EYA2: variants seen among roughly 807,000 people sequenced by gnomAD.
EYA2 encodes the protein EYA transcriptional coactivator and phosphatase 2.
In EYA2, 31 loss-of-function variants were observed where a neutral mutation model predicts 69.2. The ratio of observed to expected loss-of-function variants is 0.45; its 90% CI spans 0.34 to 0.60. The LOEUF is 0.60. Among genes scored for constraint, EYA2 ranks in the 20% least tolerant of loss-of-function variants. The pLI is 0.02. For missense variants in EYA2, 622 were observed against 701.2 expected, an observed-to-expected ratio of 0.89 and a Z score of 1.28; for synonymous variants, 257 against 279.4, an observed-to-expected ratio of 0.92 and a Z score of 0.80.
intron 1 of EYA2, among the ~76,000 whole-genome samples, chr20:46,966,908 T>G (rs1041302194): frequency 1.3e-5 from 2 of 152,210 alleles, no homozygotes; most frequent in Non-Finnish European, 2.9e-5. Context: ...TTAAGATTAC[T>G]AATGCATTAT....
chr20:46,965,477 G>A (rs369995948), intron 1 of EYA2, among the ~76,000 whole-genome samples: 97 of 152,358 alleles, frequency 6.4e-4, no homozygotes, highest in Non-Finnish European at 1.3e-3. Flanking sequence ...GGGCAAAGGT[G>A]GGGGGTTGGA....
intron 1 of EYA2, among the ~76,000 whole-genome samples, chr20:46,956,408 C>T (rs1014479078): frequency 2.0e-4 from 31 of 152,334 alleles, no homozygotes; most frequent in African/African-American, 7.5e-4. Flanking sequence ...CAATGGATCT[C>T]TCACCTAAGG....
chr20:47,013,766 G>A (rs1047776442), intron 4 of EYA2, among the ~76,000 whole-genome samples: 2 of 152,176 alleles, frequency 1.3e-5, no homozygotes, highest in Non-Finnish European at 2.9e-5. Context: ...TTTTACTTTA[G>A]GTGCACAGTG....
chr20:46,970,362 G>T (rs1980065103), intron 1 of EYA2, among the ~76,000 whole-genome samples: 1 of 152,180 alleles, frequency 6.6e-6, no homozygotes, highest in South Asian at 2.1e-4. Context: ...CAGGGTTGAT[G>T]TTGACCCCAG....
intron 9 of EYA2, among the ~76,000 whole-genome samples, chr20:47,125,655 G>A (rs2033170687): frequency 6.6e-6 from 1 of 152,182 alleles, no homozygotes; most frequent in East Asian, 1.9e-4. Context: ...AACTGGCAAA[G>A]CTCTCTGTTG....
intron 1 of EYA2, among the ~76,000 whole-genome samples, chr20:46,983,906 T>G (rs549893124): frequency 1.9e-4 from 29 of 152,194 alleles, no homozygotes; most frequent in Non-Finnish European, 3.7e-4. Flanking sequence ...GGACCTGCCT[T>G]GGTTGACTTC....
chr20:47,143,435 A>G (rs1169492501), intron 10 of EYA2, among the ~76,000 whole-genome samples: 1 of 152,162 alleles, frequency 6.6e-6, no homozygotes, highest in Non-Finnish European at 1.5e-5. Flanking sequence ...TACTAATCCA[A>G]TAATGGCTAT....
chr20:47,052,472 C>T (rs1034140650), intron 5 of EYA2, among the ~76,000 whole-genome samples: 1 of 152,208 alleles, frequency 6.6e-6, no homozygotes, highest in African/African-American at 2.4e-5. Flanking sequence ...GATTGCTCAG[C>T]TACTGCTGGG....
chr20:47,176,240 C>T (rs1460754635), intron 12 of EYA2, among the ~76,000 whole-genome samples: 5 of 151,898 alleles, frequency 3.3e-5, no homozygotes, highest in Non-Finnish European at 5.9e-5. Context: ...CCACCATGCC[C>T]GGCTAATTTT....
rs998496118 is a variant in EYA2, at chr20:47,187,079, C to T, written c.1537-974C>T. Reference sequence around the variant, plus strand: ...AAATTAAAAAAAAAAATTAATGAAACGAAATTCAGCTGGGCACAATGGCTC... The same window carrying T: ...AAATTAAAAAAAAAAATTAATGAAATGAAATTCAGCTGGGCACAATGGCTC... On this transcript the variant is annotated intron_variant, in intron 15 of 15. Coordinates refer to ENST00000327619, the MANE Select transcript of EYA2 (RefSeq NM_005244.5). 5.9e-5 allele frequency among the ~76,000 whole-genome samples: 9 copies of T among 151,322 alleles called. No individual in the cohort carries two copies. The East Asian group carries it at 1.4e-3, about 23-fold the overall frequency.
intron 8 of EYA2, among the ~76,000 whole-genome samples, chr20:47,093,725 C>T (rs557093570): frequency 6.6e-6 from 1 of 152,372 alleles, no homozygotes; most frequent in Admixed American, 6.5e-5. Context: ...ATGCCCTGTG[C>T]ACAGCGTCAG....
chr20:47,089,312 C>A lies in EYA2; in HGVS notation c.735C>A (p.Ser245=), dbSNP rs142473026. The change falls in exon 8 of 16, where the codon TCC becomes TCA. Residue 245 remains serine (S), a synonymous_variant. Transcript: ENST00000327619. ...EGDTDRPHRA[S]DGKLRGRSKR... ...ACACAGACAGGCCGCACCGGGCCTC[C>A]GACGGGAAGCTCCGAGGCCGGTCTA... 1.1e-5 allele frequency: 18 copies of A among 1,614,008 alleles called. No individual in the cohort carries two copies. The highest frequency in any genetic ancestry group is 1.7e-5 in the Admixed American group (1 of 60,006).
At chr20:46,962,985 T>C (rs765638187) in intron 1 of EYA2, among the ~76,000 whole-genome samples, 14 of 152,084 alleles carry the variant, frequency 9.2e-5, no homozygotes, top group South Asian at 2.1e-4. Context: ...CTCACAGGAG[T>C]GGGTGTATAA....
chr20:47,082,681 A>G (rs530061242), intron 7 of EYA2, among the ~76,000 whole-genome samples: 20 of 152,324 alleles, frequency 1.3e-4, no homozygotes, highest in Non-Finnish European at 1.9e-4. Context: ...TACAATCTCT[A>G]TCAACATCTC....
chr20:47,030,406 G>A (rs1157540285), intron 5 of EYA2, among the ~76,000 whole-genome samples: 1 of 152,194 alleles, frequency 6.6e-6, no homozygotes, highest in Non-Finnish European at 1.5e-5. Context: ...CTGTGGTGTA[G>A]GAATGAACAT....
At chr20:47,088,732 A>G (rs1206442127) in intron 7 of EYA2, among the ~76,000 whole-genome samples, 2 of 152,168 alleles carry the variant, frequency 1.3e-5, no homozygotes, top group Admixed American at 1.3e-4. Context: ...GACTATAGGC[A>G]TGCACCACCA....
rs1015934227 is a variant in EYA2, at chr20:47,091,631, G to T, written c.804+2250G>T. Reference sequence around the variant, plus strand: ...ATGGTGGCACACACCTGTAGTCCCAGCTACTCAGGGGGCTGAAGTGGAAGG... The same window carrying T: ...ATGGTGGCACACACCTGTAGTCCCATCTACTCAGGGGGCTGAAGTGGAAGG... On this transcript the variant is annotated intron_variant, in intron 8 of 15. Coordinates refer to ENST00000327619, the MANE Select transcript of EYA2 (RefSeq NM_005244.5). Among the ~76,000 whole-genome samples the T allele has an allele frequency of 3.2e-4, 48 of 148,366 alleles. 1 individual carries two copies. The highest frequency in any genetic ancestry group is 4.4e-5 in the Non-Finnish European group (3 of 67,422).
chr20:46,966,006 G>T (rs1174961094), intron 1 of EYA2, among the ~76,000 whole-genome samples: 1 of 152,254 alleles, frequency 6.6e-6, no homozygotes, highest in Non-Finnish European at 1.5e-5. Flanking sequence ...GCTGGGACTG[G>T]CAAGTGAAAA....
At chr20:47,068,521 TTTG>T (rs140140822) in intron 5 of EYA2, among the ~76,000 whole-genome samples, 8 of 151,936 alleles carry the variant, frequency 5.3e-5, no homozygotes, top group South Asian at 2.1e-4. Context: ...CCCAGAAAGG[TTTG>T]TTGTTGTTGT....
Sources: gnomAD v4.1 joint callset for allele counts (sites outside exome capture counted in the v4.1 genomes callset) on GRCh38, gnomAD v4.1.1 for gene constraint, MANE v1.5 for transcripts, NCBI Gene and HGNC (gene_info 2026-07-23, HGNC 2026-07-21) for gene names.